ECPAS: variants seen among roughly 807,000 people sequenced by gnomAD.
ECPAS encodes the protein Ecm29 proteasome adaptor and scaffold, also known as proteasome adapter and scaffold protein ECM29.
In ECPAS, 70 loss-of-function variants were observed where a neutral mutation model predicts 255.1. The observed-to-expected ratio is 0.27, with a 90% CI of 0.23 to 0.33. The LOEUF (loss-of-function observed/expected upper bound fraction) is 0.33, where lower values mean the gene tolerates loss of function less well. ECPAS is among the 10% of genes least tolerant of loss of function. ECPAS has a pLI of 1.00. For missense variants in ECPAS, 1,817 were observed against 2,206.4 expected (o/e 0.82, Z 3.54); for synonymous variants, 784 against 775.0 (o/e 1.01, Z -0.19).
intron 28 of ECPAS, 57 bp downstream of exon 28, chr9:111,392,711 C>T: frequency 8.6e-7 from 1 of 1,158,272 alleles, no homozygotes; most frequent in Non-Finnish European, 1.3e-6. Context: ...CATCTTCTCA[C>T]TATGTGTAGA....
chr9:111,471,940 C>CA (rs548538689), intron 2 of ECPAS, among the ~76,000 whole-genome samples: 213 of 145,958 alleles, frequency 1.5e-3, no homozygotes, highest in Non-Finnish European at 2.3e-3. Context: ...CTGTCTCTAC[C>CA]AAAAAAAAAA....
rs956262236 is a variant in ECPAS, at chr9:111,378,757, G to A, written c.3804-27C>T. 1.9e-6 allele frequency: 3 copies of A among 1,578,202 alleles called. No individual in the cohort carries two copies. The African/African-American group carries it at 4.0e-5, about 21-fold the overall frequency. On this transcript the variant is annotated intron_variant, in intron 35 of 49. Coordinates refer to ENST00000684092, the MANE Select transcript of ECPAS (RefSeq NM_001364929.1). The stretch of plus-strand genomic sequence containing the variant: ...TACAAACATATGGAACACAACTCCT[G>A]AGTCCTTTTAACAAAAGTGAGAAGA...
chr9:111,421,409 ATGTGTG>A (rs71372622), intron 15 of ECPAS, among the ~76,000 whole-genome samples: 2,962 of 143,400 alleles, frequency 0.021, 36 homozygotes, highest in Non-Finnish European at 0.025. Flanking sequence ...TATTACATAT[ATGTGTG>A]TGTGTGTGTG....
At chr9:111,420,395 G>A (rs1414093896) in intron 15 of ECPAS, among the ~76,000 whole-genome samples, 3 of 152,090 alleles carry the variant, frequency 2.0e-5, no homozygotes, top group Non-Finnish European at 4.4e-5. Flanking sequence ...AGACCTCCAA[G>A]GACCATAACT....
At chr9:111,451,599 C>T in intron 2 of ECPAS, 44 bp from the exon 3 acceptor site, 1 of 1,499,508 alleles carries the variant, frequency 6.7e-7, no homozygotes, top group Non-Finnish European at 8.9e-7. Context: ...GCAAGCCAAA[C>T]ACAACCAAGA....
intron 20 of ECPAS, 91 bp from the exon 21 acceptor site, chr9:111,412,239 C>T: frequency 9.0e-6 from 10 of 1,107,056 alleles, no homozygotes; most frequent in Non-Finnish European, 1.2e-5. Flanking sequence ...AACGTTCAAT[C>T]TGTTGATGGA....
At chr9:111,365,148 GT>G (rs2131464731) in intron 48 of ECPAS, among the ~76,000 whole-genome samples, 2 of 152,254 alleles carry the variant, frequency 1.3e-5, no homozygotes, top group Middle Eastern at 3.4e-3. Context: ...GCACACACCT[GT>G]AATTCCAGTT....
chr9:111,398,318 G>A (rs931998111), intron 24 of ECPAS, among the ~76,000 whole-genome samples: 1 of 152,124 alleles, frequency 6.6e-6, no homozygotes, highest in African/African-American at 2.4e-5. Flanking sequence ...CTTATTAGGG[G>A]TTCATTTTAT....
At chr9:111,388,436 A>T (rs771628243) in intron 31 of ECPAS, among the ~76,000 whole-genome samples, 9 of 150,598 alleles carry the variant, frequency 6.0e-5, no homozygotes, top group Non-Finnish European at 1.3e-4. Context: ...TGAACCCTCA[A>T]GTACCTACCA....
At chr9:111,431,187 C>G (rs866874024) in intron 8 of ECPAS, among the ~76,000 whole-genome samples, 11 of 152,220 alleles carry the variant, frequency 7.2e-5, no homozygotes, top group African/African-American at 2.7e-4. Context: ...AGTTTTAATT[C>G]TGCAGAGTAG....
At chr9:111,444,735 G>C (rs2098250551) in intron 3 of ECPAS, among the ~76,000 whole-genome samples, 1 of 152,118 alleles carries the variant, frequency 6.6e-6, no homozygotes, top group South Asian at 2.1e-4. Flanking sequence ...TCCCAAGACG[G>C]AGTCTTGCTC....
chr9:111,386,627 G>C (rs903261465), intron 31 of ECPAS, among the ~76,000 whole-genome samples, 171 bp from the exon 32 acceptor site: 1 of 152,078 alleles, frequency 6.6e-6, no homozygotes, highest in Non-Finnish European at 1.5e-5. Flanking sequence ...TCCCACTTTG[G>C]TCACTATAAA....
intron 7 of ECPAS, among the ~76,000 whole-genome samples, chr9:111,434,828 C>T (rs1327162601): frequency 6.6e-6 from 1 of 150,698 alleles, no homozygotes; most frequent in East Asian, 1.9e-4. Context: ...GAACTCCTGA[C>T]CTCAAGCGAT....
Position 111,376,556 on chromosome 9 carries a change from T to A in ECPAS, c.3955-15A>T, listed in dbSNP as rs952353620. The A allele has an allele frequency of 1.9e-6, 3 of 1,582,444 alleles. No individual in the cohort carries two copies. The highest frequency in any genetic ancestry group is 2.3e-5 in the South Asian group (2 of 86,322). On this transcript the variant is annotated splice_polypyrimidine_tract_variant and intron_variant, in intron 36 of 49. Transcript: ENST00000684092. Reference sequence around the variant, plus strand: ...TCCATCGCAGCCTAAAGAAGAGAAATTAAAGTCACCCGGCACATTCAATTA... The same window carrying A: ...TCCATCGCAGCCTAAAGAAGAGAAAATAAAGTCACCCGGCACATTCAATTA...
intron 2 of ECPAS, among the ~76,000 whole-genome samples, chr9:111,452,928 C>A (rs1020668202): frequency 6.6e-6 from 1 of 152,056 alleles, no homozygotes; most frequent in African/African-American, 2.4e-5. Context: ...GAGCCTGAAG[C>A]GTCTTGTAGT....
At chr9:111,453,812 C>T (rs1165111570) in intron 2 of ECPAS, among the ~76,000 whole-genome samples, 2 of 152,030 alleles carry the variant, frequency 1.3e-5, no homozygotes, top group South Asian at 4.1e-4. Flanking sequence ...CTGGCCAGTA[C>T]TGCTCAGGAC....
At chr9:111,457,602 G>A (rs1196757059) in intron 2 of ECPAS, among the ~76,000 whole-genome samples, 1 of 152,182 alleles carries the variant, frequency 6.6e-6, no homozygotes, top group Non-Finnish European at 1.5e-5. Context: ...CTGTAAAATA[G>A]AAGGCACAGT....
At chr9:111,377,779 T>A (rs933548926) in intron 36 of ECPAS, among the ~76,000 whole-genome samples, 43 of 152,206 alleles carry the variant, frequency 2.8e-4, no homozygotes, top group African/African-American at 9.9e-4. Context: ...TTGGGAGACC[T>A]TCTATGGGAT....
intron 7 of ECPAS, among the ~76,000 whole-genome samples, chr9:111,434,643 G>A (rs2098235081): frequency 6.9e-6 from 1 of 145,074 alleles, no homozygotes; most frequent in Admixed American, 7.0e-5. Context: ...AGGCTGGAGT[G>A]CAGTGGTGCA....
Sources: gnomAD v4.1 joint callset for allele counts (sites outside exome capture counted in the v4.1 genomes callset) on GRCh38, gnomAD v4.1.1 for gene constraint, MANE v1.5 for transcripts, NCBI Gene and HGNC (gene_info 2026-07-23, HGNC 2026-07-21) for gene names.